Variants in NR2C1 observed in about 807,000 individuals in gnomAD.
The protein encoded by NR2C1 is nuclear receptor subfamily 2 group C member 1.
Under a neutral mutation model 74.8 loss-of-function variants are expected in NR2C1, and 33 were observed. That is an observed-to-expected ratio of 0.44 (90% CI 0.33 to 0.59). The LOEUF (loss-of-function observed/expected upper bound fraction) is 0.59. Among genes scored for constraint, NR2C1 ranks in the 20% least tolerant of loss-of-function variants. The pLI is 0.02. For missense variants in NR2C1, 568 were observed against 715.6 expected (o/e 0.79, Z 2.35); for synonymous variants, 225 against 240.6 (o/e 0.94, Z 0.60).
At chr12:95,053,678 G>A (rs1873367524) in intron 7 of NR2C1, among the ~76,000 whole-genome samples, 1 of 135,916 alleles carries the variant, frequency 7.4e-6, no homozygotes, top group African/African-American at 2.8e-5. Flanking sequence ...TTTTCTTTTT[G>A]GTGTTTTTTT....
chr12:95,051,775 C>G lies in NR2C1; in HGVS notation c.952G>C (p.Gly318Arg). The change falls in exon 8 of 14, where the codon GGT (glycine) becomes CGT (arginine). Residue 318 changes from glycine to arginine, a missense_variant. This residue lies in a region of NR2C1 where 239 missense variants were observed against 232.3 expected (regional missense o/e 1.03). Coordinates refer to ENST00000333003, the MANE Select transcript of NR2C1 (RefSeq NM_003297.4). Reference sequence around the variant, plus strand: ...AAGATACCTTACCTTGAAACATCACCGTTGGTCTGCATTTCTTGAAATTCA... The same window carrying G: ...AAGATACCTTACCTTGAAACATCACGGTTGGTCTGCATTTCTTGAAATTCA... ...LCEFQEMQTN[G>R]DVSRAFDTLA... The G allele has an allele frequency of 6.2e-7, 1 of 1,605,506 alleles. No individual in the cohort carries two copies. The highest frequency in any genetic ancestry group is 8.5e-7 in the Non-Finnish European group (1 of 1,177,898).
chr12:95,062,343 T>C (rs949841651), intron 3 of NR2C1, among the ~76,000 whole-genome samples, 165 bp downstream of exon 3: 1 of 152,250 alleles, frequency 6.6e-6, no homozygotes, highest in Non-Finnish European at 1.5e-5. Flanking sequence ...GAAAGTACAG[T>C]GGCCCATAGG....
At chr12:95,054,755 T>G (rs1198741239) in intron 7 of NR2C1, among the ~76,000 whole-genome samples, 2 of 151,612 alleles carry the variant, frequency 1.3e-5, no homozygotes, top group Non-Finnish European at 2.9e-5. Flanking sequence ...AGATTCTTTT[T>G]TATTTTATTT....
At chr12:95,060,066 A>G in intron 3 of NR2C1, 82 bp from the exon 4 acceptor site, 1 of 1,119,172 alleles carries the variant, frequency 8.9e-7, no homozygotes. Flanking sequence ...AAAAAAATTA[A>G]AGAACATTCA....
At chr12:95,039,981 T>C (rs564238935) in intron 10 of NR2C1, among the ~76,000 whole-genome samples, 68 of 152,270 alleles carry the variant, frequency 4.5e-4, no homozygotes, top group African/African-American at 1.4e-3. Context: ...CTCTAAGTCA[T>C]TGTAGTGGTA....
intron 3 of NR2C1, among the ~76,000 whole-genome samples, chr12:95,060,271 T>C (rs1874590908): frequency 6.6e-6 from 1 of 152,198 alleles, no homozygotes. Context: ...CATGCAGATG[T>C]GCTCGCTATA....
rs1283970950 is a variant in NR2C1 at position 95,022,197 on chromosome 12, C to T, written c.*32G>A. 1 of 1,540,100 alleles carries T rather than the reference C, an allele frequency of 6.5e-7. No homozygotes were observed. Among genetic ancestry groups the T allele is most frequent in the Non-Finnish European group, 8.7e-7 (1 of 1,147,226 alleles). On this transcript the variant is annotated 3_prime_UTR_variant, in exon 14 of 14. Transcript: ENST00000333003. ...TGGTGTCTTGTGTTCTGGCAAAGAA[C>T]AGTTAAGTTTACAGCACTGCAGTCA...
intron 7 of NR2C1, among the ~76,000 whole-genome samples, chr12:95,052,207 G>C (rs1388779474): frequency 6.6e-6 from 1 of 150,960 alleles, no homozygotes; most frequent in Non-Finnish European, 1.5e-5. Context: ...CTAGGCTGGA[G>C]TGCCGTGGCA....
At position 95,031,352 on chromosome 12, in the gene NR2C1, G is replaced by A. The variant is rs1318358585; in HGVS notation, c.1390C>T (p.Gln464Ter). 1 of 1,586,732 alleles carries A rather than the reference G, an allele frequency of 6.3e-7. No individual in the cohort carries two copies. The highest frequency in any genetic ancestry group is 1.4e-5 in the African/African-American group (1 of 73,430). Residue 464 changes from glutamine (Q) to a stop codon, truncating the protein, a stop_gained, in exon 11 of 14, where the codon CAA becomes TAA. Transcript: ENST00000333003. LOFTEE classifies it high-confidence loss of function. ...FVNCLHNSLQ[Q>*]DKMSTERRKL... ...AGGTAAGGAAGGTGCTTTTTACCTT[G>A]TTGAAGACTATTGTGAAGACAATTG... is the stretch of plus-strand genomic sequence containing the variant.
At chr12:95,060,531 T>C (rs1244612514) in intron 3 of NR2C1, among the ~76,000 whole-genome samples, 1 of 152,104 alleles carries the variant, frequency 6.6e-6, no homozygotes, top group African/African-American at 2.4e-5. Context: ...GGAGAGTGCC[T>C]GTAATCCCAG....
At chr12:95,036,380 C>T (rs1386220387) in intron 10 of NR2C1, among the ~76,000 whole-genome samples, 1 of 151,920 alleles carries the variant, frequency 6.6e-6, no homozygotes, top group African/African-American at 2.4e-5. Flanking sequence ...CAAGATCAGC[C>T]TGGACAACAG....
chr12:95,025,372 G>C, intron 12 of NR2C1, 117 bp from the exon 13 acceptor site: 2 of 587,420 alleles, frequency 3.4e-6, no homozygotes, highest in Non-Finnish European at 5.8e-6. Context: ...AAAATGTGTG[G>C]CTCAGGCCGG....
intron 10 of NR2C1, among the ~76,000 whole-genome samples, chr12:95,038,073 A>T (rs1871085758): frequency 6.6e-6 from 1 of 152,166 alleles, no homozygotes; most frequent in Admixed American, 6.5e-5. Flanking sequence ...GAGTTTACAT[A>T]ATGGCCTTGA....
intron 13 of NR2C1, among the ~76,000 whole-genome samples, chr12:95,023,279 G>C (rs1030594397): frequency 4.6e-5 from 7 of 152,176 alleles, no homozygotes; most frequent in Non-Finnish European, 1.0e-4. Flanking sequence ...GGAGGCTGAG[G>C]CAAGAGAATC....
rs1565869821 is a variant in NR2C1 at position 95,059,842 on chromosome 12, C to CA, written c.364+63dup. The stretch of plus-strand genomic sequence containing the variant: ...CATGGTAGTGTGGTAGTTATTTCAA[C>CA]AACACGACACATATAGGAGGTTATT... On this transcript the variant is annotated intron_variant, in intron 4 of 13. Transcript: ENST00000333003. 5.1e-6 allele frequency: 6 copies of CA among 1,165,262 alleles called. No individual in the cohort carries two copies. The East Asian group carries it at 1.4e-4, about 28-fold the overall frequency. The allele number at this position is 1,165,262 out of a possible 1,614,324, so 72.2% of individuals were successfully genotyped here.
intron 10 of NR2C1, 115 bp downstream of exon 10, chr12:95,040,361 T>G (rs1871370285): frequency 1.1e-6 from 1 of 952,300 alleles, no homozygotes; most frequent in East Asian, 2.7e-5. Flanking sequence ...AACTTAAAGC[T>G]ATAATGTTAT....
At chr12:95,022,828 G>C (rs1369445300) in intron 13 of NR2C1, among the ~76,000 whole-genome samples, 1 of 151,430 alleles carries the variant, frequency 6.6e-6, no homozygotes, top group Non-Finnish European at 1.5e-5. Flanking sequence ...CCAAGTAGCT[G>C]TGGCTACAGG....
At chr12:95,054,238 T>C (rs1873500123) in intron 7 of NR2C1, among the ~76,000 whole-genome samples, 1 of 152,094 alleles carries the variant, frequency 6.6e-6, no homozygotes, top group African/African-American at 2.4e-5. Context: ...CATTCCTCTA[T>C]TGCTAACCAG....
chr12:95,073,467 G>A lies in NR2C1; in HGVS notation c.-95C>T, dbSNP rs994889566. On this transcript the variant is annotated 5_prime_UTR_variant, in exon 1 of 14. Coordinates refer to ENST00000333003, the MANE Select transcript of NR2C1 (RefSeq NM_003297.4). ...ACTCGTGGATTGGGGGGCGCTCCGG[G>A]AAGAGAGGTTGAAGAAAGCCGACGG... 3 of 152,354 alleles carry A rather than the reference G, an allele frequency of 2.0e-5. No individual in the cohort carries two copies. Among genetic ancestry groups the A allele is most frequent in the African/African-American group, 4.8e-5 (2 of 41,494 alleles). 9.4% of individuals were successfully genotyped at this position (152,354 alleles called of 1,614,324 possible).
Sources: allele counts gnomAD v4.1 joint callset (sites outside exome capture counted in the v4.1 genomes callset), GRCh38; gene constraint gnomAD v4.1.1; regional missense constraint gnomAD v4.1.1; transcripts MANE v1.5; gene names NCBI Gene and HGNC (gene_info 2026-07-23, HGNC 2026-07-21).